The following CRACD variants were observed in gnomAD, a reference collection of about 807,000 sequenced individuals.
CRACD encodes the protein capping protein inhibiting regulator of actin dynamics.
A neutral mutation model predicts 106.8 loss-of-function variants in CRACD; 56 were observed. The ratio of observed to expected loss-of-function variants is 0.52; its 90% CI spans 0.42 to 0.66. The LOEUF is 0.66. Ranked by LOEUF, CRACD falls within the 30% of genes least tolerant of loss-of-function variation. The probability of loss-of-function intolerance (pLI) is 0.00; values close to 1 mark genes in which losing one functional copy is unlikely to be tolerated. For synonymous variants in CRACD, 754 were observed against 670.8 expected (o/e 1.12, Z -1.92); for missense variants, 1,730 against 1,623.2 (o/e 1.07, Z -1.13).
At chr4:56,161,422 A>G (rs761724045) in intron 1 of CRACD, among the ~76,000 whole-genome samples, 26 of 152,100 alleles carry the variant, frequency 1.7e-4, no homozygotes, top group Non-Finnish European at 1.8e-4. Context: ...TCACATTACT[A>G]GCAAATGAAA....
At chr4:56,243,744 C>T (rs1740506976) in intron 2 of CRACD, among the ~76,000 whole-genome samples, 1 of 151,960 alleles carries the variant, frequency 6.6e-6, no homozygotes, top group African/African-American at 2.4e-5. Context: ...GGTACCCATC[C>T]CCTGAAGCAT....
chr4:56,313,868 G>C (rs1577899722), intron 7 of CRACD, among the ~76,000 whole-genome samples, 172 bp from the exon 8 acceptor site: 1 of 152,128 alleles, frequency 6.6e-6, no homozygotes, highest in Non-Finnish European at 1.5e-5. Context: ...TCGCACGACA[G>C]AGTCTTGCGT....
At chr4:56,088,744 A>G (rs139962567) in intron 1 of CRACD, among the ~76,000 whole-genome samples, 1 of 149,750 alleles carries the variant, frequency 6.7e-6, no homozygotes, top group African/African-American at 2.5e-5. Context: ...TTTTGACGGA[A>G]TCTTGCTCTG....
intron 1 of CRACD, among the ~76,000 whole-genome samples, chr4:56,074,711 T>G (rs902201050): frequency 6.6e-6 from 1 of 152,188 alleles, no homozygotes; most frequent in African/African-American, 2.4e-5. Context: ...TGGCTGGAAC[T>G]TCAATACTAT....
intron 1 of CRACD, among the ~76,000 whole-genome samples, chr4:56,055,143 A>G (rs758383672): frequency 8.5e-5 from 13 of 152,160 alleles, no homozygotes; most frequent in Non-Finnish European, 1.5e-4. Context: ...CAAGTTGCTA[A>G]AAAGGCATTT....
At position 56,315,378 on chromosome 4, in the gene CRACD, G is replaced by A; in HGVS notation, c.1876G>A (p.Glu626Lys). The A allele has an allele frequency of 6.2e-7, 1 of 1,613,366 alleles. No individual in the cohort carries two copies. Among genetic ancestry groups the A allele is most frequent in the East Asian group, 2.2e-5 (1 of 44,854 alleles). ...TACKSLLGLE[E>K]KKHAEAPAGE... ...GTGCAAGTCCCTCCTGGGCTTGGAG[G>A]AGAAGAAGCACGCGGAAGCCCCAGC... The change falls in exon 8 of 11, where the codon GAG becomes AAG. Residue 626 changes from glutamate (E) to lysine (K), a missense_variant. Around this residue, in one of 5 missense-constraint regions of CRACD, gnomAD observed 1,620 missense variants for 1,481.6 expected, o/e 1.09. Coordinates refer to ENST00000682029, the MANE Select transcript of CRACD (RefSeq NM_001393381.1). This position sits in a 1 kb window ranked among gnomAD's most constrained non-coding sequence, Gnocchi z 4.1.
chr4:56,288,294 G>A (rs73240536), intron 3 of CRACD, among the ~76,000 whole-genome samples: 1 of 151,692 alleles, frequency 6.6e-6, no homozygotes, highest in South Asian at 2.1e-4. Context: ...TGTTACAAGG[G>A]TATATTACGT....
intron 1 of CRACD, among the ~76,000 whole-genome samples, chr4:56,177,369 T>C: frequency 6.6e-6 from 1 of 152,248 alleles, no homozygotes; most frequent in Admixed American, 6.5e-5. Context: ...TGTGTTGATT[T>C]GTGTATGTTG....
chr4:56,120,698 G>A (rs1490399596), intron 1 of CRACD, among the ~76,000 whole-genome samples: 3 of 152,130 alleles, frequency 2.0e-5, no homozygotes, highest in Admixed American at 6.5e-5. Context: ...TAAATCTAAT[G>A]TGAAAATAAG....
chr4:56,202,778 G>T (rs901914003), intron 2 of CRACD, among the ~76,000 whole-genome samples: 8 of 151,986 alleles, frequency 5.3e-5, no homozygotes, highest in African/African-American at 1.9e-4. Flanking sequence ...TCTAATAAAA[G>T]TATTTTATGA....
At chr4:56,167,498 C>T (rs1453353745) in intron 1 of CRACD, among the ~76,000 whole-genome samples, 2 of 152,192 alleles carry the variant, frequency 1.3e-5, no homozygotes, top group Non-Finnish European at 2.9e-5. Context: ...ACTTTGTACC[C>T]TTTGACCAGC....
intron 2 of CRACD, among the ~76,000 whole-genome samples, chr4:56,210,729 T>C (rs916033800): frequency 6.6e-6 from 1 of 152,204 alleles, no homozygotes; most frequent in Non-Finnish European, 1.5e-5. Context: ...AGATGTAAAT[T>C]TCTTTTACAA....
intron 8 of CRACD, among the ~76,000 whole-genome samples, chr4:56,320,324 C>A (rs927376252): frequency 2.6e-5 from 4 of 152,128 alleles, no homozygotes; most frequent in Non-Finnish European, 5.9e-5. Flanking sequence ...GGAGGCAACT[C>A]AGGTGGACTA....
chr4:56,123,681 C>G (rs1734564520), intron 1 of CRACD, among the ~76,000 whole-genome samples: 1 of 152,116 alleles, frequency 6.6e-6, no homozygotes, highest in Non-Finnish European at 1.5e-5. Flanking sequence ...CCAAATTACT[C>G]AGCTAGTAGG....
In CRACD at chr4:56,314,732, G is replaced by C. The variant is rs1469437683; in HGVS notation, c.1230G>C (p.Ala410=). Residue 410 remains alanine (A), a synonymous_variant, in exon 8 of 11, where the codon GCG becomes GCC. Coordinates refer to ENST00000682029, the MANE Select transcript of CRACD (RefSeq NM_001393381.1). The surrounding 1 kb of genome is among the most constrained non-coding windows in gnomAD (Gnocchi z 4.4). ...GGGAAGAGGAGGAGGAGGGCCAGGC[G>C]CACCTGGAGGACTGGAGGGGGCAGC... ...DLGEEEEEGQ[A]HLEDWRGQLS... The C allele has an allele frequency of 1.3e-6, 2 of 1,575,282 alleles. No individual in the cohort carries two copies. The highest frequency in any genetic ancestry group is 2.3e-5 in the East Asian group (1 of 43,662).
Position 56,315,133 on chromosome 4 carries a change from G to A in CRACD, c.1631G>A (p.Gly544Glu), listed in dbSNP as rs1455807811. 1 of 1,609,262 alleles carries A rather than the reference G, an allele frequency of 6.2e-7. No individual in the cohort carries two copies. Among genetic ancestry groups the A allele is most frequent in the Non-Finnish European group, 8.5e-7 (1 of 1,178,432 alleles). The change falls in exon 8 of 11, where the codon GGA (glycine) becomes GAA (glutamate). Residue 544 changes from glycine to glutamate, a missense_variant. Physicochemically the swap from Gly to Glu is moderately conservative, Grantham distance 98 (BLOSUM62 -2). Coordinates refer to ENST00000682029, the MANE Select transcript of CRACD (RefSeq NM_001393381.1). The surrounding 1 kb of genome is among the most constrained non-coding windows in gnomAD (Gnocchi z 4.1). ...CCCTACACGTTCCAGGTGTCCTCCG[G>A]AGGGAAGCAGATTCTCTTTCCCAAA... ...PRPYTFQVSS[G>E]GKQILFPKVN...
chr4:56,270,500 G>C (rs1020058249), intron 2 of CRACD, among the ~76,000 whole-genome samples: 1 of 152,174 alleles, frequency 6.6e-6, no homozygotes, highest in Non-Finnish European at 1.5e-5. Context: ...TGGGGCCTCT[G>C]ATAGTCAGCT....
Position 56,243,989 on chromosome 4 carries a change from G to A in CRACD, c.-188-28332G>A, listed in dbSNP as rs560326047. 3.9e-5 allele frequency among the ~76,000 whole-genome samples: 6 copies of A among 152,250 alleles called. No individual in the cohort carries two copies. In the South Asian group the frequency reaches 1.2e-3, roughly 32 times the overall value. Reference sequence around the variant, plus strand: ...CTCTATGTCCGTGAGTTCAAAGATAGTGTATATTTAAATTGATCCAAAAGT... The same window carrying A: ...CTCTATGTCCGTGAGTTCAAAGATAATGTATATTTAAATTGATCCAAAAGT... On this transcript the variant is annotated intron_variant, in intron 2 of 10. Coordinates refer to ENST00000682029, the MANE Select transcript of CRACD (RefSeq NM_001393381.1).
At position 56,315,582 on chromosome 4, in the gene CRACD, G is replaced by C; in HGVS notation, c.2080G>C (p.Gly694Arg). Residue 694 changes from glycine to arginine, a missense_variant, in exon 8 of 11, where the codon GGT becomes CGT. Coordinates refer to ENST00000682029, the MANE Select transcript of CRACD (RefSeq NM_001393381.1). This position sits in a 1 kb window ranked among gnomAD's most constrained non-coding sequence, Gnocchi z 4.1. The stretch of plus-strand genomic sequence containing the variant: ...CAGCGAGAGGGACCAGTTGAGGCCC[G>C]GTGATGAGTCCACTCCCAGGGGCCG... ...RSSERDQLRP[G>R]DESTPRGRCD... 1 of 1,614,162 alleles carries C rather than the reference G, an allele frequency of 6.2e-7. No homozygotes were observed. Among genetic ancestry groups the C allele is most frequent in the South Asian group, 1.1e-5 (1 of 91,088 alleles).
Sources: allele counts gnomAD v4.1 joint callset (sites outside exome capture counted in the v4.1 genomes callset), GRCh38; gene constraint gnomAD v4.1.1; regional missense constraint gnomAD v4.1.1; non-coding constraint Gnocchi (gnomAD v3.1); transcripts MANE v1.5; gene names NCBI Gene and HGNC (gene_info 2026-07-23, HGNC 2026-07-21).